Variants in CLEC12A observed in about 807,000 individuals in gnomAD.
The protein encoded by CLEC12A is C-type lectin protein CLL-1.
In CLEC12A, 22 loss-of-function variants were observed where a neutral mutation model predicts 26.5. The observed-to-expected ratio is 0.83, with a 90% CI of 0.59 to 1.19. CLEC12A has a LOEUF of 1.19. Among genes scored for constraint, CLEC12A ranks in the 50% most tolerant of loss-of-function variants. The pLI is 0.00. For synonymous variants in CLEC12A, 119 were observed against 101.9 expected (o/e 1.17, Z -1.01); for missense variants, 353 against 315.6 (o/e 1.12, Z -0.90).
At chr12:10,002,243 A>T in the CLEC12A span, among the ~76,000 whole-genome samples, 1 of 152,170 alleles carries the variant, frequency 6.6e-6, no homozygotes, top group Non-Finnish European at 1.5e-5. Flanking sequence ...CCTTTTATTC[A>T]TTCAATATTT....
At chr12:9,956,026 G>T (rs1863737532) in intron 1 of CLEC12A, among the ~76,000 whole-genome samples, 1 of 152,214 alleles carries the variant, frequency 6.6e-6, no homozygotes, top group Admixed American at 6.5e-5. Flanking sequence ...TTTCATTTCA[G>T]GTTCCTTCAA....
downstream of CLEC12A, chr12:9,998,142 T>G: frequency 1.5e-6 from 1 of 662,792 alleles, no homozygotes; most frequent in Non-Finnish European, 2.7e-6. Flanking sequence ...TTTATTGAGA[T>G]TCTCTTGGCA....
At chr12:9,986,414 T>TCCCC (rs34237394), downstream of CLEC12A, among the ~76,000 whole-genome samples, 4 of 117,488 alleles carry the variant, frequency 3.4e-5, no homozygotes, top group Non-Finnish European at 6.9e-5. Context: ...AATTCCTTTA[T>TCCCC]CCCCCCCCCC....
intron 1 of CLEC12A, among the ~76,000 whole-genome samples, 185 bp from the exon 2 acceptor site, chr12:9,978,781 T>A (rs1864437518): frequency 6.6e-6 from 1 of 152,226 alleles, no homozygotes; most frequent in Non-Finnish European, 1.5e-5. Context: ...TAAGTGATTT[T>A]GATTTATTCT....
downstream of CLEC12A, chr12:9,997,033 T>C: frequency 6.2e-7 from 1 of 1,612,238 alleles, no homozygotes; most frequent in South Asian, 1.1e-5. Flanking sequence ...TGGTGTATTT[T>C]TTCTAAATTG....
At chr12:9,988,380 C>G (rs865847249), downstream of CLEC12A, among the ~76,000 whole-genome samples, 7 of 152,050 alleles carry the variant, frequency 4.6e-5, no homozygotes, top group Non-Finnish European at 1.0e-4. Context: ...TAATTAAACT[C>G]AAGAGCTTCT....
chr12:9,986,200 G>T (rs1406121487), downstream of CLEC12A: 6 of 446,486 alleles, frequency 1.3e-5, no homozygotes, highest in African/African-American at 1.2e-4. Context: ...TTTACAGTTT[G>T]ATCATTAAAA....
At chr12:9,994,949 T>C (rs1864999363) in intron 4 of CLEC12A, 1 of 1,435,278 alleles carries the variant, frequency 7.0e-7, no homozygotes, top group Admixed American at 2.1e-5. Context: ...GTGGCTTAGA[T>C]AAAGAGCAAA....
chr12:9,995,534 C>A, exon 5 of CLEC12A: 1 of 371,510 alleles, frequency 2.7e-6, no homozygotes, highest in Non-Finnish European at 5.2e-6. Flanking sequence ...GATTATACTC[C>A]CAAATAGAAT....
upstream of CLEC12A, among the ~76,000 whole-genome samples, chr12:9,968,815 A>C (rs1191485935): frequency 6.6e-6 from 1 of 152,216 alleles, no homozygotes; most frequent in Non-Finnish European, 1.5e-5. Context: ...ATGAAAATTG[A>C]TATAGGTTGA....
chr12:10,001,943 C>G, the CLEC12A span, among the ~76,000 whole-genome samples: 10 of 150,488 alleles, frequency 6.6e-5, no homozygotes, highest in South Asian at 2.1e-4. Context: ...GCAGTGGCGC[C>G]ATCTTGGCTC....
intron 1 of CLEC12A, among the ~76,000 whole-genome samples, chr12:9,960,678 A>T (rs1863813787): frequency 6.6e-6 from 1 of 152,206 alleles, no homozygotes; most frequent in Non-Finnish European, 1.5e-5. Flanking sequence ...TATCTTATAG[A>T]ACTAATATTT....
At chr12:9,967,777 G>A (rs1032881969), upstream of CLEC12A, among the ~76,000 whole-genome samples, 6 of 152,016 alleles carry the variant, frequency 3.9e-5, no homozygotes, top group Admixed American at 1.3e-4. Flanking sequence ...GTAGAGACAC[G>A]GAGAGAAGGG....
At chr12:9,955,177 C>G (rs1293025585) in intron 1 of CLEC12A, among the ~76,000 whole-genome samples, 2 of 152,134 alleles carry the variant, frequency 1.3e-5, no homozygotes, top group African/African-American at 2.4e-5. Flanking sequence ...AGCTCTGCCT[C>G]CCGGGTTCAC....
Position 9,985,337 on chromosome 12 carries a change from G to A in CLEC12A, c.*311G>A, listed in dbSNP as rs533520806. On this transcript the variant is annotated 3_prime_UTR_variant, in exon 6 of 6. Coordinates refer to ENST00000304361, the MANE Select transcript of CLEC12A (RefSeq NM_138337.6). ...TTTCATTTACGTTCTTCCCCTTCTGGCCAAGATTTGCCAGAGGCAACATCA... is the reference window on the plus strand; with the variant it reads ...TTTCATTTACGTTCTTCCCCTTCTGACCAAGATTTGCCAGAGGCAACATCA... The A allele has an allele frequency of 2.5e-6, 1 of 398,194 alleles. No individual in the cohort carries two copies. The highest frequency in any genetic ancestry group is 3.6e-5 in the East Asian group (1 of 28,008). The allele number at this position is 398,194 out of a possible 1,614,324, so 24.7% of individuals were successfully genotyped here.
rs1864726879 is a variant in CLEC12A at position 9,985,159 on chromosome 12, C to T, written c.*133C>T. 3 of 1,012,886 alleles carry T rather than the reference C, an allele frequency of 3.0e-6. No individual in the cohort carries two copies. Among genetic ancestry groups the T allele is most frequent in the South Asian group, 5.8e-5 (2 of 34,760 alleles). The allele number at this position is 1,012,886 out of a possible 1,614,324, so 62.7% of individuals were successfully genotyped here. ...GGATTTTATCATGCAGATGAAACATCCAGGTAGCAAGCTTCAGAGAGAATA... is the reference window on the plus strand; with the variant it reads ...GGATTTTATCATGCAGATGAAACATTCAGGTAGCAAGCTTCAGAGAGAATA... On this transcript the variant is annotated 3_prime_UTR_variant, in exon 6 of 6. Coordinates refer to ENST00000304361, the MANE Select transcript of CLEC12A (RefSeq NM_138337.6).
At chr12:9,971,113 A>G (rs1864110026), upstream of CLEC12A, among the ~76,000 whole-genome samples, 1 of 152,092 alleles carries the variant, frequency 6.6e-6, no homozygotes, top group Admixed American at 6.5e-5. Flanking sequence ...CAAAAGGAAT[A>G]TCTATGCCAG....
chr12:9,998,644 T>TTTGTG (rs1555145642), downstream of CLEC12A, among the ~76,000 whole-genome samples: 2 of 145,618 alleles, frequency 1.4e-5, no homozygotes, highest in African/African-American at 5.2e-5. Flanking sequence ...GTGTTTGTAT[T>TTTGTG]TTTTGTTTTG....
At chr12:9,957,650 A>T (rs781417857) in intron 1 of CLEC12A, among the ~76,000 whole-genome samples, 7 of 152,198 alleles carry the variant, frequency 4.6e-5, no homozygotes, top group Non-Finnish European at 1.0e-4. Flanking sequence ...AGATCAGTGA[A>T]TCTGCATTTT....
Sources: gnomAD v4.1 joint callset for allele counts (sites outside exome capture counted in the v4.1 genomes callset) on GRCh38, gnomAD v4.1.1 for gene constraint, MANE v1.5 for transcripts, NCBI Gene and HGNC (gene_info 2026-07-23, HGNC 2026-07-21) for gene names.